The following SYNE1 variants were observed in gnomAD, a reference collection of about 807,000 sequenced individuals.
The protein encoded by SYNE1 is spectrin repeat containing nuclear envelope protein 1.
In SYNE1, 616 loss-of-function variants were observed where a neutral mutation model predicts 1,111.0. That is an observed-to-expected ratio of 0.55 (90% CI 0.52 to 0.59). SYNE1 has a LOEUF of 0.59. Ranked by LOEUF, SYNE1 falls within the 20% of genes least tolerant of loss-of-function variation. The probability of loss-of-function intolerance (pLI) is 0.00; values close to 1 mark genes in which losing one functional copy is unlikely to be tolerated. For missense variants in SYNE1, 10,006 were observed against 10,417.0 expected, an observed-to-expected ratio of 0.96 and a Z score of 1.72; for synonymous variants, 3,855 against 3,825.8, an observed-to-expected ratio of 1.01 and a Z score of -0.28.
chr6:152,512,968 T>C (rs143010544), intron 6 of SYNE1, among the ~76,000 whole-genome samples: 9 of 152,190 alleles, frequency 5.9e-5, no homozygotes, highest in African/African-American at 1.2e-4. Context: ...TTGAGCCAGA[T>C]GTTCTCAAAG....
intron 105 of SYNE1, among the ~76,000 whole-genome samples, chr6:152,244,971 G>T (rs1204544896): frequency 6.6e-6 from 1 of 152,130 alleles, no homozygotes; most frequent in Non-Finnish European, 1.5e-5. Context: ...TTAAAAAAAA[G>T]AGCATCATTT....
At chr6:152,139,369 G>A (rs921665886) in intron 140 of SYNE1, among the ~76,000 whole-genome samples, 5 of 151,856 alleles carry the variant, frequency 3.3e-5, no homozygotes, top group South Asian at 4.2e-4. Flanking sequence ...TTAGGAGTTC[G>A]AGACCAGCCT....
At chr6:152,561,179 A>T (rs2099394036) in intron 3 of SYNE1, among the ~76,000 whole-genome samples, 1 of 152,204 alleles carries the variant, frequency 6.6e-6, no homozygotes, top group Non-Finnish European at 1.5e-5. Flanking sequence ...CCTAGACTCC[A>T]CCAAAAAAAT....
rs1316020769 is a variant in SYNE1, at chr6:152,511,002, G to A, written c.402+9C>T. On this transcript the variant is annotated intron_variant, in intron 7 of 145. Coordinates refer to ENST00000367255, the MANE Select transcript of SYNE1 (RefSeq NM_182961.4). Reference sequence around the variant, plus strand: ...TGCATCAACTGAAAGAGGAACTGTAGCACAATACCTGGAAATATAGAATAA... The same window carrying A: ...TGCATCAACTGAAAGAGGAACTGTAACACAATACCTGGAAATATAGAATAA... 5 of 1,611,760 alleles carry A rather than the reference G, an allele frequency of 3.1e-6. No homozygotes were observed. Among genetic ancestry groups the A allele is most frequent in the Non-Finnish European group, 4.2e-6 (5 of 1,177,916 alleles).
chr6:152,376,261 G>T (rs2097280036), intron 58 of SYNE1, 120 bp downstream of exon 58: 1 of 1,066,690 alleles, frequency 9.4e-7, no homozygotes. Context: ...GTGCGGCCTG[G>T]TTCCTAACAG....
In SYNE1 at chr6:152,430,139, T is replaced by G. The variant is rs140885183; in HGVS notation, c.4761A>C (p.Glu1587Asp). The change falls in exon 36 of 146, where the codon GAA becomes GAC. Residue 1587 changes from glutamate (E) to aspartate (D), a missense_variant. Glu to Asp is a conservative substitution (Grantham distance 45, BLOSUM62 2). Coordinates refer to ENST00000367255, the MANE Select transcript of SYNE1 (RefSeq NM_182961.4). ...VPIKICSSAT[E>D]TYKVLQEHMD... The stretch of plus-strand genomic sequence containing the variant: ...TATGTTCTTGAAGAACTTTGTATGT[T>G]TCTGTAGCTGAAGAACATATTTTAA... 8.7e-6 allele frequency: 14 copies of G among 1,602,252 alleles called. No homozygotes were observed. In the African/African-American group the frequency reaches 1.6e-4, roughly 18 times the overall value.
At chr6:152,417,452 T>G (rs1175243535) in intron 40 of SYNE1, among the ~76,000 whole-genome samples, 6 of 151,990 alleles carry the variant, frequency 3.9e-5, no homozygotes, top group Non-Finnish European at 7.4e-5. Context: ...GAGCCAAGAT[T>G]GCACCACTGC....
In SYNE1 at chr6:152,463,346, G is replaced by A. The variant is rs2098745458; in HGVS notation, c.2097+7C>T. 2 of 1,613,430 alleles carry A rather than the reference G, an allele frequency of 1.2e-6. No homozygotes were observed. The highest frequency in any genetic ancestry group is 1.7e-5 in the Admixed American group (1 of 59,946). On this transcript the variant is annotated splice_region_variant and intron_variant, in intron 19 of 145. Transcript: ENST00000367255. Reference sequence around the variant, plus strand: ...CGTTGAGGTGTATATAGACTTGAAAGACATACTTGCTTGACTTCCATAAAC... The same window carrying A: ...CGTTGAGGTGTATATAGACTTGAAAAACATACTTGCTTGACTTCCATAAAC...
chr6:152,494,860 A>G (rs1266387208), intron 11 of SYNE1, among the ~76,000 whole-genome samples: 1 of 152,218 alleles, frequency 6.6e-6, no homozygotes, highest in Non-Finnish European at 1.5e-5. Flanking sequence ...CTGATAAGAC[A>G]GCTAAAGAAG....
At chr6:152,618,419 A>C (rs1050596736) in intron 3 of SYNE1, among the ~76,000 whole-genome samples, 1 of 152,220 alleles carries the variant, frequency 6.6e-6, no homozygotes, top group Non-Finnish European at 1.5e-5. Flanking sequence ...AGGTCCTGAG[A>C]ATCTCAAAAT....
At chr6:152,151,230 A>C (rs932645787) in intron 135 of SYNE1, among the ~76,000 whole-genome samples, 11 of 151,914 alleles carry the variant, frequency 7.2e-5, no homozygotes, top group African/African-American at 1.2e-4. Flanking sequence ...TAAAAAAAAA[A>C]AAAACAAAAC....
intron 107 of SYNE1, among the ~76,000 whole-genome samples, chr6:152,240,082 T>C (rs970275424): frequency 5.3e-5 from 8 of 152,104 alleles, no homozygotes; most frequent in Non-Finnish European, 1.2e-4. Context: ...AGTAGACAGC[T>C]CTGCATTTCT....
intron 39 of SYNE1, among the ~76,000 whole-genome samples, chr6:152,422,646 G>T (rs1056243450): frequency 6.6e-6 from 1 of 152,070 alleles, no homozygotes; most frequent in Non-Finnish European, 1.5e-5. Context: ...GAGACTACAG[G>T]TACATGCCAC....
intron 66 of SYNE1, among the ~76,000 whole-genome samples, chr6:152,357,820 C>T (rs905986148): frequency 2.0e-5 from 3 of 152,104 alleles, no homozygotes; most frequent in Admixed American, 2.0e-4. Flanking sequence ...TAGATTGTGA[C>T]CACTTTCTCC....
intron 127 of SYNE1, among the ~76,000 whole-genome samples, chr6:152,199,950 T>G (rs1319736571): frequency 6.6e-6 from 1 of 152,254 alleles, no homozygotes; most frequent in African/African-American, 2.4e-5. Flanking sequence ...GGCAACAGTA[T>G]TTGGCTGAAA....
At chr6:152,323,879 T>A in intron 81 of SYNE1, 142 bp from the exon 82 acceptor site, 1 of 919,628 alleles carries the variant, frequency 1.1e-6, no homozygotes, top group Non-Finnish European at 1.7e-6. Context: ...AACTGGAACC[T>A]GAGCAACCTT....
At chr6:152,429,837 G>T (rs1240024564) in intron 36 of SYNE1, among the ~76,000 whole-genome samples, 2 of 152,078 alleles carry the variant, frequency 1.3e-5, no homozygotes. Flanking sequence ...GGTTGTTAAA[G>T]CTAAGCTCTA....
chr6:152,235,400 T>G (rs1307434590), intron 110 of SYNE1, among the ~76,000 whole-genome samples: 1 of 152,220 alleles, frequency 6.6e-6, no homozygotes, highest in East Asian at 1.9e-4. Flanking sequence ...TCGCTCTTGT[T>G]GCCCAGGCTG....
chr6:152,554,227 T>A (rs564445617), intron 3 of SYNE1, among the ~76,000 whole-genome samples: 24 of 152,210 alleles, frequency 1.6e-4, no homozygotes, highest in Non-Finnish European at 2.5e-4. Flanking sequence ...ACAATGAGAA[T>A]AGCAGCACGG....
Sources: gnomAD v4.1 joint callset for allele counts (sites outside exome capture counted in the v4.1 genomes callset) on GRCh38, gnomAD v4.1.1 for gene constraint, MANE v1.5 for transcripts, NCBI Gene and HGNC (gene_info 2026-07-23, HGNC 2026-07-21) for gene names.